The following MYLK4 variants were observed in gnomAD, a reference collection of about 807,000 sequenced individuals.
The protein encoded by MYLK4 is myosin light chain kinase family member 4.
In MYLK4, 46 loss-of-function variants were observed where a neutral mutation model predicts 48.1. The ratio of observed to expected loss-of-function variants is 0.96; its 90% CI spans 0.75 to 1.22. The LOEUF is 1.22. MYLK4 is among the 50% of genes most tolerant of loss of function. The pLI, the probability that MYLK4 is intolerant of heterozygous loss-of-function variation, is 0.00. For synonymous variants in MYLK4, 170 were observed against 180.8 expected (o/e 0.94, Z 0.48); for missense variants, 451 against 486.1 (o/e 0.93, Z 0.68).
intron 2 of MYLK4, among the ~76,000 whole-genome samples, chr6:2,736,824 G>A (rs1763692538): frequency 6.6e-6 from 1 of 152,204 alleles, no homozygotes; most frequent in Admixed American, 6.5e-5. Context: ...AAGACACAAA[G>A]GTTCTGGACA....
chr6:2,765,914 GA>G, the MYLK4 span: 1 of 1,455,738 alleles, frequency 6.9e-7, no homozygotes, highest in African/African-American at 1.5e-5. Context: ...CGAGGGTGAG[GA>G]GGGCGACGAC....
the MYLK4 span, chr6:2,765,371 C>T: frequency 1.5e-5 from 5 of 329,686 alleles, no homozygotes; most frequent in East Asian, 1.7e-4. Context: ...GCCTCCGCCG[C>T]CGGGGCAAAC....
chr6:2,729,172 C>T (rs551362320), intron 2 of MYLK4, among the ~76,000 whole-genome samples: 46 of 152,228 alleles, frequency 3.0e-4, no homozygotes, highest in Non-Finnish European at 6.0e-4. Context: ...CACTTACAGG[C>T]CATGCCCCTA....
chr6:2,680,193 T>C, intron 8 of MYLK4, 28 bp downstream of exon 8: 1 of 1,613,444 alleles, frequency 6.2e-7, no homozygotes, highest in Non-Finnish European at 8.5e-7. Context: ...CCAGCTCCAT[T>C]CGTACACCTA....
chr6:2,746,798 C>T (rs570019080), intron 2 of MYLK4, among the ~76,000 whole-genome samples: 294 of 152,316 alleles, frequency 1.9e-3, no homozygotes, highest in African/African-American at 6.4e-3. Context: ...TTTACTGCTG[C>T]CCCAGCAGAA....
In MYLK4 at chr6:2,673,951, C is replaced by T. The variant is rs779946260; in HGVS notation, c.1119+1096G>A. Among the ~76,000 whole-genome samples, 8 of 152,252 alleles carry T rather than the reference C, an allele frequency of 5.3e-5. No individual in the cohort carries two copies. The highest frequency in any genetic ancestry group is 2.1e-4 in the South Asian group (1 of 4,826). On this transcript the variant is annotated intron_variant, in intron 11 of 12. Coordinates refer to ENST00000274643, the MANE Select transcript of MYLK4 (RefSeq NM_001012418.5). This position sits in a 1 kb window ranked among gnomAD's most constrained non-coding sequence, Gnocchi z 4.2. ...AGAGGAAGGAAGCAAAGAAGATGTA[C>T]GGGGGCTGGCTGGGGCCGCTCCATG... is the stretch of plus-strand genomic sequence containing the variant.
chr6:2,724,368 G>C (rs903765609), intron 2 of MYLK4, among the ~76,000 whole-genome samples: 5 of 152,166 alleles, frequency 3.3e-5, no homozygotes, highest in Non-Finnish European at 7.3e-5. Context: ...AGAAATCCCA[G>C]AGGGTTCAGA....
At chr6:2,745,714 C>T (rs1764062012) in intron 2 of MYLK4, among the ~76,000 whole-genome samples, 1 of 151,802 alleles carries the variant, frequency 6.6e-6, no homozygotes, top group African/African-American at 2.4e-5. Context: ...CACTTCAGCA[C>T]AGGAGTTCAA....
intron 2 of MYLK4, among the ~76,000 whole-genome samples, chr6:2,705,005 T>C (rs1189233995): frequency 6.6e-6 from 1 of 152,200 alleles, no homozygotes; most frequent in East Asian, 1.9e-4. Context: ...TTTATATGGT[T>C]GCAAGACACC....
chr6:2,680,023 T>C (rs1761230948), intron 8 of MYLK4, among the ~76,000 whole-genome samples, 198 bp downstream of exon 8: 1 of 152,236 alleles, frequency 6.6e-6, no homozygotes, highest in African/African-American at 2.4e-5. Context: ...TTTTTTATAC[T>C]TTTTACTGCA....
At chr6:2,729,539 T>G (rs930574342) in intron 2 of MYLK4, among the ~76,000 whole-genome samples, 1 of 152,224 alleles carries the variant, frequency 6.6e-6, no homozygotes, top group Admixed American at 6.5e-5. Context: ...GGGCCCTGTA[T>G]TTTTTCCCTT....
chr6:2,681,654 C>T (rs1761307629), intron 7 of MYLK4, among the ~76,000 whole-genome samples: 1 of 152,150 alleles, frequency 6.6e-6, no homozygotes, highest in Non-Finnish European at 1.5e-5. Context: ...CTATAATCTC[C>T]CCCCACATAC....
At chr6:2,670,941 C>T (rs933626124) in intron 12 of MYLK4, among the ~76,000 whole-genome samples, 3 of 152,068 alleles carry the variant, frequency 2.0e-5, no homozygotes. Context: ...GTAAGGACTA[C>T]CCCTAGACGG....
intron 2 of MYLK4, among the ~76,000 whole-genome samples, chr6:2,748,479 C>T (rs148407293): frequency 1.6e-3 from 240 of 152,324 alleles, no homozygotes; most frequent in Non-Finnish European, 6.0e-4. Flanking sequence ...ATTGCTGCTG[C>T]CGCTAACACA....
At chr6:2,671,908 A>C (rs567199548) in intron 11 of MYLK4, among the ~76,000 whole-genome samples, 5 of 152,346 alleles carry the variant, frequency 3.3e-5, no homozygotes, top group African/African-American at 1.2e-4. Context: ...GAGACTCAAA[A>C]GAAGAGCTGG....
chr6:2,702,452 A>G (rs1762321127), intron 2 of MYLK4, among the ~76,000 whole-genome samples: 1 of 152,204 alleles, frequency 6.6e-6, no homozygotes, highest in South Asian at 2.1e-4. Flanking sequence ...TGTGTCTAGC[A>G]TAGTTCTTAC....
At chr6:2,765,745 G>C in the MYLK4 span, 1 of 1,507,176 alleles carries the variant, frequency 6.6e-7, no homozygotes, top group Non-Finnish European at 8.8e-7. Flanking sequence ...GCTGTCTGCT[G>C]CTCCACCCGG....
chr6:2,763,566 G>A, the MYLK4 span, among the ~76,000 whole-genome samples: 6 of 152,352 alleles, frequency 3.9e-5, no homozygotes, highest in South Asian at 6.2e-4. Flanking sequence ...CCGAGCGCGA[G>A]GCTTATCTGA....
At position 2,673,005 on chromosome 6, in the gene MYLK4, TA is replaced by T. The variant is rs917201556; in HGVS notation, c.1120-1658del. 6.6e-5 allele frequency among the ~76,000 whole-genome samples: 10 copies of T among 152,066 alleles called. No homozygotes were observed. The highest frequency in any genetic ancestry group is 2.2e-4 in the African/African-American group (9 of 41,390). On this transcript the variant is annotated intron_variant, in intron 11 of 12. Coordinates refer to ENST00000274643, the MANE Select transcript of MYLK4 (RefSeq NM_001012418.5). This position sits in a 1 kb window ranked among gnomAD's most constrained non-coding sequence, Gnocchi z 4.2. ...TTATAAAATGAAATTTATTTTTCATTAAAAAAAACCCATCATCACTCTTGAA... is the reference window on the plus strand; with the variant it reads ...TTATAAAATGAAATTTATTTTTCATTAAAAAAACCCATCATCACTCTTGAA...
Sources: gnomAD v4.1 joint callset for allele counts (sites outside exome capture counted in the v4.1 genomes callset) on GRCh38, gnomAD v4.1.1 for gene constraint, Gnocchi (gnomAD v3.1) non-coding constraint, MANE v1.5 for transcripts, NCBI Gene and HGNC (gene_info 2026-07-23, HGNC 2026-07-21) for gene names.